Variants in DPP6 observed in about 807,000 individuals in gnomAD.
DPP6 encodes the protein A-type potassium channel modulatory protein DPP6.
In DPP6, 69 loss-of-function variants were observed where a neutral mutation model predicts 122.6. The ratio of observed to expected loss-of-function variants is 0.56; its 90% CI spans 0.46 to 0.69. The LOEUF is 0.69. Ranked by LOEUF, DPP6 falls within the 30% of genes least tolerant of loss-of-function variation. The probability of loss-of-function intolerance (pLI) is 0.00; values close to 1 mark genes in which losing one functional copy is unlikely to be tolerated. For synonymous variants in DPP6, 418 were observed against 433.1 expected (o/e 0.97, Z 0.43); for missense variants, 928 against 1,116.9 (o/e 0.83, Z 2.41).
rs183809898 is a variant in DPP6 at position 154,860,830 on chromosome 7, G to T, written c.1714+7003G>T. Among the ~76,000 whole-genome samples, 771 of 152,344 alleles carry T rather than the reference G, an allele frequency of 5.1e-3. 1 individual carries two copies. The highest frequency in any genetic ancestry group is 7.5e-3 in the Non-Finnish European group (508 of 68,032). ...CAGAAACAGTGGCCAGGACACAGCG[G>T]GCAGCTGCCCCATCACAGCCGTGGA... On this transcript the variant is annotated intron_variant, in intron 17 of 25. Transcript: ENST00000377770.
chr7:153,782,642 A>G, the DPP6 span, among the ~76,000 whole-genome samples: 2 of 152,136 alleles, frequency 1.3e-5, no homozygotes, highest in African/African-American at 4.8e-5. Context: ...GATGTGCTGG[A>G]GAAGGAGTGA....
intron 3 of DPP6, among the ~76,000 whole-genome samples, chr7:154,503,801 G>T (rs963776075): frequency 1.3e-5 from 2 of 152,124 alleles, no homozygotes; most frequent in African/African-American, 4.8e-5. Context: ...GAAAAACTGC[G>T]ATTAAAACCC....
intron 5 of DPP6, among the ~76,000 whole-genome samples, chr7:154,627,303 A>G (rs1563031211): frequency 7.0e-6 from 1 of 142,764 alleles, no homozygotes; most frequent in Non-Finnish European, 1.5e-5. Flanking sequence ...TTTCGCCATT[A>G]TCCTGCCTTA....
At chr7:154,568,118 T>C (rs1431419270) in intron 5 of DPP6, among the ~76,000 whole-genome samples, 3 of 152,238 alleles carry the variant, frequency 2.0e-5, no homozygotes, top group Non-Finnish European at 4.4e-5. Flanking sequence ...CTAAAAGGCT[T>C]GGGACTCTGC....
rs1379282337 is a variant in DPP6, at chr7:154,241,100, T to G, written c.243+188037T>G. Among the ~76,000 whole-genome samples, 1 of 151,948 alleles carries G rather than the reference T, an allele frequency of 6.6e-6. No individual in the cohort carries two copies. Among genetic ancestry groups the G allele is most frequent in the African/African-American group, 2.4e-5 (1 of 41,362 alleles). ...ATAAATTGATGAAAACCTTTTTTCT[T>G]ACCATGTAACCACATACTGCTTTGC... On this transcript the variant is annotated intron_variant, in intron 1 of 25. Transcript: ENST00000377770. The surrounding 1 kb of genome is among the most constrained non-coding windows in gnomAD (Gnocchi z 9.0).
chr7:154,716,703 T>C (rs549945995), intron 7 of DPP6, among the ~76,000 whole-genome samples: 1 of 150,662 alleles, frequency 6.6e-6, no homozygotes, highest in South Asian at 2.1e-4. Context: ...ATTTTTTTTT[T>C]CTCCTGAATG....
intron 8 of DPP6, among the ~76,000 whole-genome samples, chr7:154,768,322 A>G (rs1796035325): frequency 6.6e-6 from 1 of 152,030 alleles, no homozygotes; most frequent in Non-Finnish European, 1.5e-5. Flanking sequence ...TCCAATTTAC[A>G]TTGTTCTGTT....
chr7:154,476,742 G>C (rs1452548296), intron 3 of DPP6, among the ~76,000 whole-genome samples: 1 of 152,194 alleles, frequency 6.6e-6, no homozygotes, highest in East Asian at 1.9e-4. Flanking sequence ...CCAAAACCAA[G>C]CTGAGAAACA....
intron 7 of DPP6, among the ~76,000 whole-genome samples, chr7:154,716,328 C>T (rs1313350931): frequency 6.6e-6 from 1 of 152,186 alleles, no homozygotes; most frequent in Non-Finnish European, 1.5e-5. Flanking sequence ...CCCACTCTTG[C>T]TGTGTCTTTT....
At chr7:154,307,486 C>A (rs1421522205) in intron 1 of DPP6, among the ~76,000 whole-genome samples, 1 of 151,996 alleles carries the variant, frequency 6.6e-6, no homozygotes, top group Non-Finnish European at 1.5e-5. Context: ...TGAACAGCCC[C>A]CACCCCCACC....
intron 3 of DPP6, among the ~76,000 whole-genome samples, chr7:154,510,874 G>T (rs1210801312): frequency 6.6e-6 from 1 of 150,838 alleles, no homozygotes; most frequent in African/African-American, 2.4e-5. Context: ...GCTTGCTCTT[G>T]CTCTCACTCT....
chr7:153,929,410 A>G (rs1563018155), intron 1 of DPP6, among the ~76,000 whole-genome samples: 1 of 152,108 alleles, frequency 6.6e-6, no homozygotes, highest in East Asian at 1.9e-4. Context: ...TTGGGGTTGA[A>G]GTTTTCTGTT....
chr7:154,773,964 G>A (rs1050540370), intron 10 of DPP6, among the ~76,000 whole-genome samples: 5 of 152,124 alleles, frequency 3.3e-5, no homozygotes, highest in Non-Finnish European at 7.4e-5. Context: ...ACAGAAGCCC[G>A]AGGCCTCTGC....
intron 13 of DPP6, 24 bp downstream of exon 13, chr7:154,801,486 C>T: frequency 6.5e-7 from 1 of 1,548,394 alleles, no homozygotes; most frequent in Non-Finnish European, 8.7e-7. Context: ...GTTTCCGGAG[C>T]TGAACTAGAA....
At chr7:154,324,760 G>A (rs1269114561) in intron 1 of DPP6, among the ~76,000 whole-genome samples, 3 of 152,026 alleles carry the variant, frequency 2.0e-5, no homozygotes, top group Non-Finnish European at 2.9e-5. Flanking sequence ...GGCATCCCTC[G>A]GCCCTTTCAT....
At chr7:153,884,805 C>A (rs1158183265), upstream of DPP6, among the ~76,000 whole-genome samples, 1 of 151,734 alleles carries the variant, frequency 6.6e-6, no homozygotes, top group Non-Finnish European at 1.5e-5. Context: ...TATGGTGAAA[C>A]CCCGTCTCTA....
At chr7:154,276,796 A>G (rs10952471) in intron 1 of DPP6, among the ~76,000 whole-genome samples, 141,435 of 152,286 alleles carry the variant, frequency 0.93, 65,777 homozygotes, top group East Asian at 1. Flanking sequence ...CCACAGATCC[A>G]CACATAAGTT....
intron 16 of DPP6, among the ~76,000 whole-genome samples, chr7:154,843,169 G>A (rs1163295468): frequency 6.6e-6 from 1 of 152,200 alleles, no homozygotes; most frequent in Non-Finnish European, 1.5e-5. Context: ...AGGCGTGGTG[G>A]CGCATGCCTG....
chr7:154,299,393 A>T lies in DPP6; in HGVS notation c.244-146821A>T, dbSNP rs1021205398. Among the ~76,000 whole-genome samples the T allele has an allele frequency of 3.9e-5, 6 of 152,200 alleles. No individual in the cohort carries two copies. In the South Asian group the frequency reaches 1.0e-3, roughly 26 times the overall value. ...TGGAGAGTTCTAGTTGAAATGTCTGAGGTGACAGTGAGCACGCAGTGGTCG... is the reference window on the plus strand; with the variant it reads ...TGGAGAGTTCTAGTTGAAATGTCTGTGGTGACAGTGAGCACGCAGTGGTCG... On this transcript the variant is annotated intron_variant, in intron 1 of 25. Transcript: ENST00000377770.
Sources: gnomAD v4.1 joint callset for allele counts (sites outside exome capture counted in the v4.1 genomes callset) on GRCh38, gnomAD v4.1.1 for gene constraint, Gnocchi (gnomAD v3.1) non-coding constraint, MANE v1.5 for transcripts, NCBI Gene and HGNC (gene_info 2026-07-23, HGNC 2026-07-21) for gene names.